Variants in CPEB3 observed in about 807,000 individuals in gnomAD.
The protein encoded by CPEB3 is cytoplasmic polyadenylation element binding protein 3.
Under a neutral mutation model 67.2 loss-of-function variants are expected in CPEB3, and 20 were observed. The ratio of observed to expected loss-of-function variants is 0.30; its 90% confidence interval spans 0.21 to 0.43. The LOEUF (loss-of-function observed/expected upper bound fraction) is 0.43, where lower values mean the gene tolerates loss of function less well. Ranked by LOEUF, CPEB3 falls within the 20% of genes least tolerant of loss-of-function variation. CPEB3 has a pLI of 1.00. For synonymous variants in CPEB3, 376 were observed against 393.1 expected, an observed-to-expected ratio of 0.96 and a Z score of 0.51; for missense variants, 746 against 968.6, an observed-to-expected ratio of 0.77 and a Z score of 3.05.
intron 2 of CPEB3, among the ~76,000 whole-genome samples, chr10:92,206,041 T>C (rs1849771609): frequency 1.3e-5 from 2 of 152,056 alleles, no homozygotes; most frequent in South Asian, 2.1e-4. Flanking sequence ...TACTTTAGGG[T>C]ACTTTAAATG....
At chr10:92,228,194 T>G (rs1851081499) in intron 2 of CPEB3, among the ~76,000 whole-genome samples, 1 of 152,178 alleles carries the variant, frequency 6.6e-6, no homozygotes, top group Admixed American at 6.5e-5. Context: ...AGCCTATAAT[T>G]GCTTTAAATA....
In CPEB3 at chr10:92,060,390, C is replaced by G. The variant is rs1031307510; in HGVS notation, c.1870-7951G>C. On this transcript the variant is annotated intron_variant, in intron 9 of 9. Coordinates refer to ENST00000265997, the MANE Select transcript of CPEB3 (RefSeq NM_014912.5). ...ATCAAAATAGATTAAAATCTTAAAT[C>G]TAAGACCTCAAACTATGAAGCTACT... Among the ~76,000 whole-genome samples, 43 of 152,004 alleles carry G rather than the reference C, an allele frequency of 2.8e-4. 1 individual carries two copies. Among genetic ancestry groups the G allele is most frequent in the Non-Finnish European group, 1.8e-4 (12 of 68,010 alleles).
At chr10:92,189,227 C>G (rs890999189) in intron 3 of CPEB3, among the ~76,000 whole-genome samples, 1 of 152,084 alleles carries the variant, frequency 6.6e-6, no homozygotes, top group Non-Finnish European at 1.5e-5. Context: ...AAATTATTTT[C>G]CTTTCTCCTT....
chr10:92,108,700 A>C (rs1200906569), intron 7 of CPEB3, among the ~76,000 whole-genome samples: 1 of 152,244 alleles, frequency 6.6e-6, no homozygotes, highest in African/African-American at 2.4e-5. Context: ...GCTGCACTTG[A>C]GCTCAGAAAA....
chr10:92,253,626 C>T (rs1852400257), intron 1 of CPEB3, among the ~76,000 whole-genome samples: 1 of 151,730 alleles, frequency 6.6e-6, no homozygotes, highest in African/African-American at 2.4e-5. Context: ...GCCTATAGTC[C>T]CAGCTACTTG....
At chr10:92,208,341 C>T (rs1009309464) in intron 2 of CPEB3, among the ~76,000 whole-genome samples, 3 of 152,158 alleles carry the variant, frequency 2.0e-5, no homozygotes, top group Non-Finnish European at 4.4e-5. Context: ...TGAACTTCTG[C>T]ATATTCATAC....
intron 1 of CPEB3, among the ~76,000 whole-genome samples, chr10:92,241,471 T>C (rs1260164813): frequency 6.6e-6 from 1 of 152,184 alleles, no homozygotes; most frequent in Non-Finnish European, 1.5e-5. Context: ...TCACTAGTAT[T>C]AGCAGCGAAA....
chr10:92,176,082 T>C (rs1376195357), intron 4 of CPEB3, among the ~76,000 whole-genome samples: 1 of 151,576 alleles, frequency 6.6e-6, no homozygotes, highest in Non-Finnish European at 1.5e-5. Flanking sequence ...CAGAGTGAGA[T>C]TCTGTCTCCA....
chr10:92,161,674 G>A (rs890088524), intron 4 of CPEB3, among the ~76,000 whole-genome samples: 19 of 151,118 alleles, frequency 1.3e-4, no homozygotes, highest in African/African-American at 4.1e-4. Context: ...CCTATGTGCC[G>A]GGAACAGTTC....
chr10:92,174,525 G>A (rs1458474846), intron 4 of CPEB3, among the ~76,000 whole-genome samples: 1 of 152,146 alleles, frequency 6.6e-6, no homozygotes, highest in African/African-American at 2.4e-5. Context: ...AAAGAGGTGA[G>A]TGTCTTTTTT....
intron 4 of CPEB3, among the ~76,000 whole-genome samples, chr10:92,145,424 T>C (rs1846631245): frequency 6.6e-6 from 1 of 151,774 alleles, no homozygotes; most frequent in African/African-American, 2.4e-5. Context: ...AGGTCAGGAG[T>C]TCGAGGCCAG....
intron 6 of CPEB3, among the ~76,000 whole-genome samples, chr10:92,121,873 A>ACTG (rs1564797729): frequency 1.1e-4 from 17 of 152,148 alleles, no homozygotes; most frequent in Non-Finnish European, 1.5e-5. Context: ...CCTAAAGGGC[A>ACTG]CTGCTCTAGC....
At position 92,090,719 on chromosome 10, in the gene CPEB3, A is replaced by AT. The variant is rs200565284; in HGVS notation, c.1687+1110dup. 2.7e-3 allele frequency among the ~76,000 whole-genome samples: 410 copies of AT among 152,022 alleles called. 2 individuals carry two copies. Among genetic ancestry groups the AT allele is most frequent in the South Asian group, 0.011 (51 of 4,814 alleles). On this transcript the variant is annotated intron_variant, in intron 8 of 9. Transcript: ENST00000265997. ...AGAAATATTTCACAACACCTCCACC[A>AT]TTTTTTTTAAAGCACAGTTTACAAA...
At chr10:92,091,756 ATATT>A (rs1242283426) in intron 8 of CPEB3, 70 bp downstream of exon 8, 2 of 880,274 alleles carry the variant, frequency 2.3e-6, no homozygotes, top group African/African-American at 3.4e-5. Context: ...AACCTAGAAA[ATATT>A]TAAGACTAAA....
chr10:92,180,097 T>C lies in CPEB3; in HGVS notation c.1222+866A>G, dbSNP rs534289239. ...ATGAACAATTTCCATTTAGAGACTG[T>C]TCTTCTGCAAAGGTATCTGATCCAT... is the stretch of plus-strand genomic sequence containing the variant. On this transcript the variant is annotated intron_variant, in intron 4 of 9. Transcript: ENST00000265997. Among the ~76,000 whole-genome samples, 70 of 152,346 alleles carry C rather than the reference T, an allele frequency of 4.6e-4. 1 individual carries two copies. Among genetic ancestry groups the C allele is most frequent in the Admixed American group, 3.0e-3 (46 of 15,296 alleles).
chr10:92,161,513 T>G (rs1847478450), intron 4 of CPEB3, among the ~76,000 whole-genome samples: 2 of 151,630 alleles, frequency 1.3e-5, no homozygotes, highest in Admixed American at 1.3e-4. Flanking sequence ...CCTCAGGTGA[T>G]CCACCCACGT....
rs766452754 is a variant in CPEB3 at position 92,111,175 on chromosome 10, G to A, written c.1473C>T (p.Phe491=). The A allele has an allele frequency of 2.5e-6, 4 of 1,613,400 alleles. No individual in the cohort carries two copies. ...FPPKGYAFLL[F]QEESSVQALI... ...AAGCTTGTACTGAGCTTTCCTCTTG[G>A]AACAGCAGAAAGGCATAGCCTTGGG... The change falls in exon 7 of 10, where the codon TTC becomes TTT. Residue 491 remains phenylalanine, a synonymous_variant. Coordinates refer to ENST00000265997, the MANE Select transcript of CPEB3 (RefSeq NM_014912.5).
At chr10:92,271,084 G>T (rs966863821) in intron 1 of CPEB3, among the ~76,000 whole-genome samples, 1 of 152,122 alleles carries the variant, frequency 6.6e-6, no homozygotes, top group African/African-American at 2.4e-5. Context: ...TCAGGAGGCC[G>T]AGGCAGGAGA....
chr10:92,169,527 G>A (rs968902702), intron 4 of CPEB3, among the ~76,000 whole-genome samples: 19 of 152,320 alleles, frequency 1.2e-4, no homozygotes, highest in Non-Finnish European at 2.5e-4. Context: ...TTAAAGCAAG[G>A]CTGTTCAAGT....
Sources: allele counts gnomAD v4.1 joint callset (sites outside exome capture counted in the v4.1 genomes callset), GRCh38; gene constraint gnomAD v4.1.1; transcripts MANE v1.5; gene names NCBI Gene and HGNC (gene_info 2026-07-23, HGNC 2026-07-21).